Variants in CDK17 observed in about 807,000 individuals in gnomAD.
CDK17 encodes the protein cyclin dependent kinase 17.
CDK17 carries 24 observed loss-of-function variants against 77.6 expected under a neutral mutation model. The ratio of observed to expected loss-of-function variants is 0.31; its 90% CI spans 0.22 to 0.44. CDK17 has a LOEUF of 0.44. Among genes scored for constraint, CDK17 ranks in the 20% least tolerant of loss-of-function variants. The pLI is 1.00. For synonymous variants in CDK17, 203 were observed against 210.4 expected (o/e 0.96, Z 0.30); for missense variants, 429 against 622.5 (o/e 0.69, Z 3.31).
In CDK17 at chr12:96,286,769, A is replaced by G; in HGVS notation, c.1119-8T>C. On this transcript the variant is annotated splice_polypyrimidine_tract_variant and splice_region_variant and intron_variant, in intron 11 of 16. Transcript: ENST00000261211. Reference sequence around the variant, plus strand: ...AAAATGCAACCAACACCCCTTTAAAATAGATCATGAAAATAATTTAGCAAT... The same window carrying G: ...AAAATGCAACCAACACCCCTTTAAAGTAGATCATGAAAATAATTTAGCAAT... 6.3e-7 allele frequency: 1 copy of G among 1,585,372 alleles called. No individual in the cohort carries two copies. The highest frequency in any genetic ancestry group is 8.6e-7 in the Non-Finnish European group (1 of 1,156,530).
At chr12:96,367,331 T>C (rs939084733) in intron 1 of CDK17, among the ~76,000 whole-genome samples, 1 of 96,688 alleles carries the variant, frequency 1.0e-5, no homozygotes, top group Non-Finnish European at 1.8e-5. Context: ...GGTGACAGAA[T>C]GAGACTCCAC....
At chr12:96,307,921 T>G (rs1952597564) in intron 5 of CDK17, among the ~76,000 whole-genome samples, 1 of 152,148 alleles carries the variant, frequency 6.6e-6, no homozygotes, top group Admixed American at 6.5e-5. Context: ...TGATGCTAAA[T>G]TATGATAATC....
At chr12:96,340,459 A>G (rs1256541816) in intron 1 of CDK17, among the ~76,000 whole-genome samples, 1 of 152,188 alleles carries the variant, frequency 6.6e-6, no homozygotes, top group Non-Finnish European at 1.5e-5. Context: ...CTGTGGTATA[A>G]TTGTAAAATT....
At chr12:96,342,385 G>A (rs1336505773) in intron 1 of CDK17, among the ~76,000 whole-genome samples, 3 of 152,230 alleles carry the variant, frequency 2.0e-5, no homozygotes, top group South Asian at 4.1e-4. Flanking sequence ...GTTGTTATTT[G>A]CATAAAACAC....
At chr12:96,333,134 C>A (rs1446807126) in intron 2 of CDK17, among the ~76,000 whole-genome samples, 1 of 150,958 alleles carries the variant, frequency 6.6e-6, no homozygotes, top group Non-Finnish European at 1.5e-5. Flanking sequence ...GCGCTTCCCA[C>A]CAAAAATTCA....
Position 96,289,272 on chromosome 12 carries a change from T to C in CDK17, c.1013A>G (p.Lys338Arg). 1.2e-6 allele frequency: 2 copies of C among 1,613,930 alleles called. No homozygotes were observed. Among genetic ancestry groups the C allele is most frequent in the East Asian group, 4.5e-5 (2 of 44,876 alleles). The stretch of plus-strand genomic sequence containing the variant: ...TGAGTAGGTCTTTGTGGGAACTGAC[T>C]TGGCTCGGGCTAGTCCTTCATAGGG... Reference protein sequence around the residue: ...KLADFGLARAKSVPTKTYSNE... With the variant: ...KLADFGLARARSVPTKTYSNE... Residue 338 changes from lysine to arginine, a missense_variant, in exon 11 of 17, where the codon AAG becomes AGG. Physicochemically the swap from Lys to Arg is conservative, Grantham distance 26 (BLOSUM62 2). This residue lies in a region of CDK17 where 51 missense variants were observed against 96.5 expected (regional missense o/e 0.53). Transcript: ENST00000261211.
At chr12:96,348,166 G>C (rs1367841639) in intron 1 of CDK17, among the ~76,000 whole-genome samples, 2 of 151,680 alleles carry the variant, frequency 1.3e-5, no homozygotes, top group East Asian at 3.9e-4. Flanking sequence ...CTAGCAGAAA[G>C]AAGAAAATAA....
At chr12:96,296,262 A>C (rs1466110521) in intron 9 of CDK17, among the ~76,000 whole-genome samples, 1 of 152,198 alleles carries the variant, frequency 6.6e-6, no homozygotes, top group Non-Finnish European at 1.5e-5. Context: ...ATTGCCAATA[A>C]AAAAAGCAGG....
intron 15 of CDK17, chr12:96,281,826 G>A (rs1312958160): frequency 6.6e-6 from 1 of 152,172 alleles, no homozygotes; most frequent in Non-Finnish European, 1.5e-5. Flanking sequence ...TGCTACACAA[G>A]CTTTGATGAA....
chr12:96,399,777 G>A (rs1052925533), intron 1 of CDK17, among the ~76,000 whole-genome samples: 9 of 151,934 alleles, frequency 5.9e-5, no homozygotes, highest in African/African-American at 2.2e-4. Context: ...GAAATCCCCG[G>A]GCGACCCAAG....
intron 5 of CDK17, among the ~76,000 whole-genome samples, chr12:96,302,321 T>G (rs940055619): frequency 1.3e-5 from 2 of 151,090 alleles, no homozygotes; most frequent in Admixed American, 1.3e-4. Flanking sequence ...AATTTATATA[T>G]GTTTTATATA....
intron 3 of CDK17, among the ~76,000 whole-genome samples, chr12:96,318,140 G>A (rs1433489583): frequency 6.7e-6 from 1 of 149,536 alleles, no homozygotes; most frequent in Non-Finnish European, 1.5e-5. Flanking sequence ...AAAAGCAGGG[G>A]TTGCAATCCT....
chr12:96,349,538 A>T (rs78828417), intron 1 of CDK17, among the ~76,000 whole-genome samples: 1 of 148,450 alleles, frequency 6.7e-6, no homozygotes, highest in Non-Finnish European at 1.5e-5. Flanking sequence ...GATTTAGCAA[A>T]AAAAAAAAAA....
At position 96,400,167 on chromosome 12, in the gene CDK17, G is replaced by C. The variant is rs1422966870; in HGVS notation, c.-211C>G. 5.1e-6 allele frequency: 2 copies of C among 394,340 alleles called. No homozygotes were observed. Among genetic ancestry groups the C allele is most frequent in the Non-Finnish European group, 4.5e-6 (1 of 223,376 alleles). The allele number at this position is 394,340 out of a possible 1,614,324, so 24.4% of individuals were successfully genotyped here. A position where few individuals can be genotyped will look rare whatever the true frequency, so the allele number is the denominator to read the frequency against. On this transcript the variant is annotated 5_prime_UTR_variant, in exon 1 of 17. Transcript: ENST00000261211. The stretch of plus-strand genomic sequence containing the variant: ...CCTTCCGGCTCTCGCCGCGGGTCCG[G>C]AGCCTCGGGAGGGGCCGCGGGTGTC...
At position 96,385,356 on chromosome 12, in the gene CDK17, T is replaced by C. The variant is rs545956223; in HGVS notation, c.-30+14630A>G. 4.8e-4 allele frequency among the ~76,000 whole-genome samples: 73 copies of C among 152,060 alleles called. 1 individual carries two copies. In the South Asian group the frequency reaches 0.015, roughly 30 times the overall value. On this transcript the variant is annotated intron_variant, in intron 1 of 16. Transcript: ENST00000261211. ...GTTAACAACAGACACTGGAGATGACTAGAAGGGGTTGGCAAATGGGGGCAT... is the reference window on the plus strand; with the variant it reads ...GTTAACAACAGACACTGGAGATGACCAGAAGGGGTTGGCAAATGGGGGCAT...
Position 96,323,978 on chromosome 12 carries a change from T to C in CDK17, c.253A>G (p.Met85Val). Residue 85 changes from methionine (M) to valine (V), a missense_variant, in exon 3 of 17, where the codon ATG (methionine) becomes GTG (valine). Transcript: ENST00000261211. ...SVIGGSLGSF[M>V]AMPRNGSRLD... The stretch of plus-strand genomic sequence containing the variant: ...CTGCTTCCATTTCTGGGCATTGCCA[T>C]GAAGGAGCCAAGGCTCCCTCCAATA... 1.2e-6 allele frequency: 2 copies of C among 1,602,484 alleles called. No individual in the cohort carries two copies. Among genetic ancestry groups the C allele is most frequent in the African/African-American group, 1.3e-5 (1 of 74,746 alleles).
At chr12:96,318,565 C>A (rs1952766181) in intron 3 of CDK17, among the ~76,000 whole-genome samples, 1 of 147,176 alleles carries the variant, frequency 6.8e-6, no homozygotes, top group Non-Finnish European at 1.5e-5. Flanking sequence ...CTCTCCTCAG[C>A]AAATGTAAAA....
At chr12:96,332,416 A>G (rs1193814755) in intron 2 of CDK17, among the ~76,000 whole-genome samples, 1 of 152,242 alleles carries the variant, frequency 6.6e-6, no homozygotes, top group African/African-American at 2.4e-5. Flanking sequence ...GATAACTTTA[A>G]AAGTATATAC....
At chr12:96,344,717 G>T (rs183670047) in intron 1 of CDK17, among the ~76,000 whole-genome samples, 1 of 152,168 alleles carries the variant, frequency 6.6e-6, no homozygotes, top group African/African-American at 2.4e-5. Context: ...ATGAAAGGAC[G>T]TAAGACATAA....
Sources: allele counts gnomAD v4.1 joint callset (sites outside exome capture counted in the v4.1 genomes callset), GRCh38; gene constraint gnomAD v4.1.1; regional missense constraint gnomAD v4.1.1; transcripts MANE v1.5; gene names NCBI Gene and HGNC (gene_info 2026-07-23, HGNC 2026-07-21).